Variants in SH3BGR observed in about 807,000 individuals in gnomAD.
The protein encoded by SH3BGR is SH3 domain binding glutamate rich protein, also known as SH3 domain-binding glutamic acid-rich protein.
A neutral mutation model predicts 24.5 loss-of-function variants in SH3BGR; 29 were observed. That is an observed-to-expected ratio of 1.18 (90% CI 0.88 to 1.61). The LOEUF is 1.61. Among genes scored for constraint, SH3BGR ranks in the 40% most tolerant of loss-of-function variants. The pLI, the probability that SH3BGR is intolerant of heterozygous loss-of-function variation, is 0.00. For synonymous variants in SH3BGR, 55 were observed against 65.7 expected, an observed-to-expected ratio of 0.84 and a Z score of 0.79; for missense variants, 162 against 205.8, an observed-to-expected ratio of 0.79 and a Z score of 1.30.
chr21:39,449,046 T>C (rs1408881838), upstream of SH3BGR, among the ~76,000 whole-genome samples: 1 of 152,210 alleles, frequency 6.6e-6, no homozygotes, highest in African/African-American at 2.4e-5. Flanking sequence ...TGCCCTATAG[T>C]TCACCTGTTG....
chr21:39,496,353 A>T, intron 3 of SH3BGR, among the ~76,000 whole-genome samples: 1 of 151,358 alleles, frequency 6.6e-6, no homozygotes, highest in Non-Finnish European at 1.5e-5. Context: ...ACAAAAAATT[A>T]GCCGGGTGCG....
At position 39,478,302 on chromosome 21, in the gene SH3BGR, C is replaced by G. The variant is rs1284877302; in HGVS notation, c.312+3087C>G. 3.3e-5 allele frequency among the ~76,000 whole-genome samples: 5 copies of G among 152,302 alleles called. No homozygotes were observed. In the East Asian group the frequency reaches 7.7e-4, roughly 24 times the overall value. Reference sequence around the variant, plus strand: ...TGCAGTGTGCTTAGGTGCAGAATTCCAGGCTGGACGTTGCTGCACCTCAGA... The same window carrying G: ...TGCAGTGTGCTTAGGTGCAGAATTCGAGGCTGGACGTTGCTGCACCTCAGA... On this transcript the variant is annotated intron_variant, in intron 3 of 6. Transcript: ENST00000333634.
intron 1 of SH3BGR, 65 bp downstream of exon 1, chr21:39,452,206 G>A: frequency 3.8e-6 from 6 of 1,594,616 alleles, no homozygotes; most frequent in Non-Finnish European, 5.1e-6. Flanking sequence ...TGGAAATATG[G>A]CCAACGTTGG....
chr21:39,491,187 T>C (rs903580073), intron 3 of SH3BGR, among the ~76,000 whole-genome samples: 1 of 146,914 alleles, frequency 6.8e-6, no homozygotes, highest in Non-Finnish European at 1.5e-5. Context: ...TATTTTATTT[T>C]TTATTTTTAT....
chr21:39,487,770 G>A (rs997740800), intron 3 of SH3BGR, among the ~76,000 whole-genome samples: 4 of 152,130 alleles, frequency 2.6e-5, no homozygotes, highest in African/African-American at 7.2e-5. Context: ...TTCATTTTCC[G>A]GTATCACTAG....
At chr21:39,500,486 A>G (rs2078475810) in intron 4 of SH3BGR, among the ~76,000 whole-genome samples, 1 of 152,096 alleles carries the variant, frequency 6.6e-6, no homozygotes, top group Non-Finnish European at 1.5e-5. Context: ...GGAGTGGGCA[A>G]TGTTGGGGGA....
upstream of SH3BGR, among the ~76,000 whole-genome samples, chr21:39,447,378 C>G (rs1281472371): frequency 6.7e-6 from 1 of 150,194 alleles, no homozygotes; most frequent in African/African-American, 2.5e-5. Context: ...TAAGTCACTG[C>G]AAATCTGCCC....
chr21:39,499,070 G>A (rs1253798072), intron 3 of SH3BGR, among the ~76,000 whole-genome samples: 1 of 152,160 alleles, frequency 6.6e-6, no homozygotes, highest in Non-Finnish European at 1.5e-5. Flanking sequence ...ATTAGATCTC[G>A]TGAGAACTCA....
chr21:39,481,634 T>C (rs2078132069), intron 3 of SH3BGR, among the ~76,000 whole-genome samples: 1 of 152,220 alleles, frequency 6.6e-6, no homozygotes, highest in Non-Finnish European at 1.5e-5. Context: ...ATTTGTCACA[T>C]ATATAGATAA....
chr21:39,475,040 A>T, intron 2 of SH3BGR, 95 bp from the exon 3 acceptor site: 1 of 733,952 alleles, frequency 1.4e-6, no homozygotes. Context: ...TGAGCTCCTA[A>T]CTTAAGGACT....
chr21:39,474,890 G>GT (rs111501562), intron 2 of SH3BGR, among the ~76,000 whole-genome samples: 7 of 150,378 alleles, frequency 4.7e-5, no homozygotes, highest in Non-Finnish European at 7.4e-5. Context: ...CATGGGTAGG[G>GT]GTGTGTGTGT....
chr21:39,506,683 C>T (rs1488974881), intron 4 of SH3BGR, among the ~76,000 whole-genome samples: 1 of 152,148 alleles, frequency 6.6e-6, no homozygotes, highest in African/African-American at 2.4e-5. Flanking sequence ...AACCCGCCCC[C>T]CTGATTCAGT....
upstream of SH3BGR, among the ~76,000 whole-genome samples, chr21:39,447,814 C>T (rs2077528357): frequency 1.3e-5 from 2 of 152,118 alleles, no homozygotes; most frequent in Admixed American, 1.3e-4. Context: ...CTCCATCATG[C>T]CACATAAAAA....
At chr21:39,465,835 A>C (rs1011382053) in intron 2 of SH3BGR, among the ~76,000 whole-genome samples, 1 of 152,056 alleles carries the variant, frequency 6.6e-6, no homozygotes, top group Non-Finnish European at 1.5e-5. Flanking sequence ...CAAGTGATGC[A>C]CCCATCTTGC....
intron 4 of SH3BGR, 54 bp from the exon 5 acceptor site, chr21:39,508,944 T>C: frequency 7.2e-7 from 1 of 1,396,748 alleles, no homozygotes; most frequent in Non-Finnish European, 1.0e-6. Flanking sequence ...CAGATTTGAC[T>C]TTAAACGTAC....
At position 39,499,817 on chromosome 21, in the gene SH3BGR, G is replaced by T; in HGVS notation, c.313-6G>T. 4 of 1,597,892 alleles carry T rather than the reference G, an allele frequency of 2.5e-6. No homozygotes were observed. In the South Asian group the frequency reaches 3.3e-5, roughly 13 times the overall value. On this transcript the variant is annotated splice_region_variant and splice_polypyrimidine_tract_variant and intron_variant, in intron 3 of 6. Transcript: ENST00000333634. ...AGCTCATATCCTGGGTTTCCTTTAT[G>T]ACCAGGGATCAGAGAAGGCTGAAGA...
Position 39,511,044 on chromosome 21 carries a change from C to T in SH3BGR, c.436-636C>T, listed in dbSNP as rs2078683456. On this transcript the variant is annotated intron_variant, in intron 5 of 6. Transcript: ENST00000333634. The surrounding 1 kb of genome is among the most constrained non-coding windows in gnomAD (Gnocchi z 4.2). ...GGATTATAAAACCTGTTAGGATTAA[C>T]ATATCATTCTAAAGCACCATTCTAA... Among the ~76,000 whole-genome samples, 1 of 150,244 alleles carries T rather than the reference C, an allele frequency of 6.7e-6. No individual in the cohort carries two copies. Among genetic ancestry groups the T allele is most frequent in the Non-Finnish European group, 1.5e-5 (1 of 67,756 alleles).
intron 3 of SH3BGR, among the ~76,000 whole-genome samples, chr21:39,494,382 G>A (rs914233792): frequency 1.3e-5 from 2 of 151,732 alleles, no homozygotes; most frequent in African/African-American, 4.8e-5. Context: ...TAGTCCTTTA[G>A]CATTGTTTCA....
intron 4 of SH3BGR, among the ~76,000 whole-genome samples, chr21:39,500,311 T>A (rs1695185128): frequency 6.6e-6 from 1 of 151,774 alleles, no homozygotes; most frequent in Non-Finnish European, 1.5e-5. Context: ...GCTAAGGGAG[T>A]GCAGTATATC....
Sources: allele counts gnomAD v4.1 joint callset (sites outside exome capture counted in the v4.1 genomes callset), GRCh38; gene constraint gnomAD v4.1.1; non-coding constraint Gnocchi (gnomAD v3.1); transcripts MANE v1.5; gene names NCBI Gene and HGNC (gene_info 2026-07-23, HGNC 2026-07-21).